CAP1: variants seen among roughly 807,000 people sequenced by gnomAD.
CAP1 encodes adenylyl cyclase-associated protein 1.
A neutral mutation model predicts 58.2 loss-of-function variants in CAP1; 11 were observed. The ratio of observed to expected loss-of-function variants is 0.19; its 90% CI spans 0.12 to 0.31. CAP1 has a LOEUF of 0.31. Among genes scored for constraint, CAP1 ranks in the 10% least tolerant of loss-of-function variants. CAP1 has a pLI of 1.00. For synonymous variants in CAP1, 183 were observed against 213.8 expected, an observed-to-expected ratio of 0.86 and a Z score of 1.26; for missense variants, 423 against 587.5, an observed-to-expected ratio of 0.72 and a Z score of 2.89.
chr1:40,044,788 C>CTTTTTTT (rs71060347), intron 1 of CAP1, among the ~76,000 whole-genome samples: 2 of 85,234 alleles, frequency 2.3e-5, no homozygotes, highest in Non-Finnish European at 4.3e-5. Flanking sequence ...CCATATAATT[C>CTTTTTTT]TTTTTTTTTT....
chr1:40,049,149 G>A (rs952504920), intron 1 of CAP1, among the ~76,000 whole-genome samples: 9 of 144,638 alleles, frequency 6.2e-5, no homozygotes, highest in South Asian at 2.2e-4. Context: ...GTGTGAAGCA[G>A]CTTTGGCAGG....
chr1:40,042,281 A>T (rs1645872595), intron 1 of CAP1, among the ~76,000 whole-genome samples: 1 of 152,266 alleles, frequency 6.6e-6, no homozygotes. Context: ...TGGGAGAGGA[A>T]ATAGACAAGT....
intron 6 of CAP1, among the ~76,000 whole-genome samples, chr1:40,065,183 G>C (rs751827913): frequency 6.6e-6 from 1 of 152,056 alleles, no homozygotes; most frequent in Non-Finnish European, 1.5e-5. Context: ...TTGAGAATTT[G>C]TTACTGGCCC....
rs1464383569 is a variant in CAP1, at chr1:40,072,263, A to AC, written c.*730_*731insC. On this transcript the variant is annotated 3_prime_UTR_variant, in exon 13 of 13. Transcript: ENST00000372805. ...GATGACTTTAAAAGGAAAAAAAAAA[A>AC]AAAAAAAACCCACATGATTTCAAGG... 4 of 295,542 alleles carry AC rather than the reference A, an allele frequency of 1.4e-5. 1 individual carries two copies. Among genetic ancestry groups the AC allele is most frequent in the Non-Finnish European group, 2.3e-5 (4 of 174,788 alleles). 18.3% of individuals were successfully genotyped at this position (295,542 alleles called of 1,614,324 possible).
At chr1:40,051,870 G>GT (rs955644281) in intron 1 of CAP1, among the ~76,000 whole-genome samples, 27 of 151,228 alleles carry the variant, frequency 1.8e-4, no homozygotes, top group South Asian at 4.2e-4. Flanking sequence ...CGCCCAGCCT[G>GT]TTTTTTTTTG....
intron 1 of CAP1, among the ~76,000 whole-genome samples, chr1:40,047,349 G>A (rs1646152646): frequency 6.6e-6 from 1 of 152,222 alleles, no homozygotes; most frequent in Non-Finnish European, 1.5e-5. Flanking sequence ...TGCTTTGTTT[G>A]CCTTGTATTA....
intron 1 of CAP1, among the ~76,000 whole-genome samples, chr1:40,048,160 A>G (rs1646191091): frequency 6.6e-6 from 1 of 152,038 alleles, no homozygotes; most frequent in African/African-American, 2.4e-5. Context: ...CTGGGATTAC[A>G]GGCATGAGCC....
rs755605353 is a variant in CAP1, at chr1:40,070,505, A to C, written c.1193A>C (p.Lys398Thr). ...IVEIINSKDV[K>T]VQVMGKVPTI... The stretch of plus-strand genomic sequence containing the variant: ...GAGATAATCAACAGTAAGGATGTCA[A>C]AGTTCAGGTAACTCGATATTTTGGC... The change falls in exon 11 of 13, where the codon AAA becomes ACA. Residue 398 changes from lysine (K) to threonine (T), a missense_variant. Lys to Thr is a moderately conservative substitution (Grantham distance 78, BLOSUM62 -1). Transcript: ENST00000372805. 6 of 1,613,160 alleles carry C rather than the reference A, an allele frequency of 3.7e-6. No homozygotes were observed. The highest frequency in any genetic ancestry group is 5.1e-6 in the Non-Finnish European group (6 of 1,179,118).
chr1:40,048,444 T>C (rs1379127853), intron 1 of CAP1, among the ~76,000 whole-genome samples: 1 of 152,240 alleles, frequency 6.6e-6, no homozygotes, highest in Non-Finnish European at 1.5e-5. Flanking sequence ...ACTTGTATCT[T>C]CTGGTAGCAT....
Position 40,072,251 on chromosome 1 carries a change from G to GT in CAP1, c.*718_*719insT, listed in dbSNP as rs1648178560. The GT allele has an allele frequency of 1.2e-4, 29 of 241,196 alleles. No individual in the cohort carries two copies. Among genetic ancestry groups the GT allele is most frequent in the East Asian group, 2.5e-4 (5 of 19,874 alleles). 14.9% of individuals were successfully genotyped at this position (241,196 alleles called of 1,614,324 possible). A position where few individuals can be genotyped will look rare whatever the true frequency, so the allele number is the denominator to read the frequency against. ...CCTTCCTATAGAGATGACTTTAAAA[G>GT]GAAAAAAAAAAAAAAAAAAACCCAC... On this transcript the variant is annotated 3_prime_UTR_variant, in exon 13 of 13. Transcript: ENST00000372805.
At chr1:40,048,050 C>CT (rs869236451) in intron 1 of CAP1, among the ~76,000 whole-genome samples, 247 of 144,852 alleles carry the variant, frequency 1.7e-3, no homozygotes, top group South Asian at 2.4e-3. Flanking sequence ...TAGATGGCAT[C>CT]TTTTTTTTTT....
chr1:40,046,632 CAT>C (rs1043220691), intron 1 of CAP1, among the ~76,000 whole-genome samples: 1 of 152,124 alleles, frequency 6.6e-6, no homozygotes, highest in Non-Finnish European at 1.5e-5. Flanking sequence ...GTGGGAACAT[CAT>C]AGAGTGTACT....
chr1:40,044,113 A>G (rs1645971588), intron 1 of CAP1, among the ~76,000 whole-genome samples: 1 of 152,134 alleles, frequency 6.6e-6, no homozygotes, highest in African/African-American at 2.4e-5. Context: ...CAACCTAGGG[A>G]TGATCTTTTA....
intron 7 of CAP1, 36 bp downstream of exon 7, chr1:40,066,356 C>T (rs12060479): frequency 0.012 from 12,956 of 1,090,866 alleles, 419 homozygotes; most frequent in African/African-American, 0.096. Flanking sequence ...CCCTCCCTCC[C>T]ACTTTCTCTC....
intron 9 of CAP1, 129 bp from the exon 10 acceptor site, chr1:40,070,030 A>G: frequency 6.9e-7 from 1 of 1,453,702 alleles, no homozygotes; most frequent in Non-Finnish European, 9.4e-7. Flanking sequence ...ACAGGAGGTT[A>G]AATGGAGCTT....
Position 40,064,353 on chromosome 1 carries a change from C to G in CAP1, c.421C>G (p.Leu141Val), listed in dbSNP as rs1378467242. ...AGCTGTCAGCGAAAGTATCCAGGCCCTGGGCTGGGTGGCTATGGTGAGCAG... is the reference window on the plus strand; with the variant it reads ...AGCTGTCAGCGAAAGTATCCAGGCCGTGGGCTGGGTGGCTATGGTGAGCAG... ...LSAVSESIQA[L>V]GWVAMAPKPG... The change falls in exon 5 of 13, where the codon CTG becomes GTG. Residue 141 changes from leucine to valine, a missense_variant. By Grantham distance (32) the Leu-to-Val change is conservative (BLOSUM62 1). Transcript: ENST00000372805. 1.2e-6 allele frequency: 2 copies of G among 1,614,110 alleles called. No homozygotes were observed. Among genetic ancestry groups the G allele is most frequent in the South Asian group, 2.2e-5 (2 of 91,082 alleles).
chr1:40,055,329 C>G (rs1646564750), intron 1 of CAP1, among the ~76,000 whole-genome samples: 1 of 76,716 alleles, frequency 1.3e-5, no homozygotes, highest in East Asian at 3.4e-4. Context: ...TCAAATGCAA[C>G]TCTAATATCA....
intron 2 of CAP1, 55 bp from the exon 3 acceptor site, chr1:40,060,012 T>C: frequency 6.9e-7 from 1 of 1,441,080 alleles, no homozygotes; most frequent in Non-Finnish European, 9.7e-7. Context: ...AAGCACGTTT[T>C]AAAGAAGCCT....
intron 12 of CAP1, 150 bp from the exon 13 acceptor site, chr1:40,071,300 A>G: frequency 1.6e-6 from 1 of 632,130 alleles, no homozygotes; most frequent in Non-Finnish European, 2.8e-6. Context: ...GAACACTAGA[A>G]CATAGCATGG....
Sources: gnomAD v4.1 joint callset for allele counts (sites outside exome capture counted in the v4.1 genomes callset) on GRCh38, gnomAD v4.1.1 for gene constraint, MANE v1.5 for transcripts, NCBI Gene and HGNC (gene_info 2026-07-23, HGNC 2026-07-21) for gene names.